SEMA6D: variants seen among roughly 807,000 people sequenced by gnomAD.
The protein encoded by SEMA6D is semaphorin 6D.
Under a neutral mutation model 106.6 loss-of-function variants are expected in SEMA6D, and 35 were observed. The ratio of observed to expected loss-of-function variants is 0.33; its 90% CI spans 0.25 to 0.44. The LOEUF is 0.44. Ranked by LOEUF, SEMA6D falls within the 20% of genes least tolerant of loss-of-function variation. The pLI is 1.00. For synonymous variants in SEMA6D, 499 were observed against 487.7 expected, an observed-to-expected ratio of 1.02 and a Z score of -0.31; for missense variants, 1,185 against 1,345.9, an observed-to-expected ratio of 0.88 and a Z score of 1.87.
Position 47,661,060 on chromosome 15 carries a change from G to T in SEMA6D, c.-55+60164G>T, listed in dbSNP as rs530505510. 9.1e-4 allele frequency among the ~76,000 whole-genome samples: 139 copies of T among 152,308 alleles called. 1 individual carries two copies. Among genetic ancestry groups the T allele is most frequent in the Middle Eastern group, 3.4e-3 (1 of 294 alleles). The stretch of plus-strand genomic sequence containing the variant: ...AAGAAAAGCAACTAAAGGAAAAGTG[G>T]ACCTTCTTTCCTGGTCAACTTTAGA... On this transcript the variant is annotated intron_variant, in intron 4 of 19. Transcript: ENST00000558014.
intron 1 of SEMA6D, among the ~76,000 whole-genome samples, chr15:47,342,960 G>T (rs1047520214): frequency 6.6e-6 from 1 of 152,048 alleles, no homozygotes; most frequent in East Asian, 1.9e-4. Context: ...TGATTTGCCC[G>T]CCTCAACTTC....
chr15:47,316,775 C>G (rs1250199518), intron 1 of SEMA6D, among the ~76,000 whole-genome samples: 2 of 151,922 alleles, frequency 1.3e-5, no homozygotes, highest in Non-Finnish European at 2.9e-5. Context: ...ATAAATCTCA[C>G]TTGGTTGTGG....
At position 47,328,422 on chromosome 15, in the gene SEMA6D, A is replaced by G. The variant is rs139945272; in HGVS notation, c.-238-83971A>G. ...AAATAATTATGCTGTTGGGCAGTTA[A>G]CTAGACATTACAGAAAAGACAAAGC... is the stretch of plus-strand genomic sequence containing the variant. On this transcript the variant is annotated intron_variant, in intron 1 of 19. Transcript: ENST00000558014. 6.5e-3 allele frequency among the ~76,000 whole-genome samples: 997 copies of G among 152,318 alleles called. 33 individuals carry two copies. Among genetic ancestry groups the G allele is most frequent in the Non-Finnish European group, 3.3e-3 (224 of 68,016 alleles).
In SEMA6D at chr15:47,293,300, T is replaced by G. The variant is rs568741988; in HGVS notation, c.-239+108882T>G. Among the ~76,000 whole-genome samples the G allele has an allele frequency of 3.9e-5, 6 of 152,320 alleles. No homozygotes were observed. The South Asian group carries it at 1.2e-3, about 32-fold the overall frequency. On this transcript the variant is annotated intron_variant, in intron 1 of 19. Transcript: ENST00000558014. ...TGCTCCAGTGTAGCTTTTCACTGTT[T>G]CCCTAGTTCTAAATCTTGACTGAGG...
chr15:47,647,404 T>C (rs2077600556), intron 4 of SEMA6D, among the ~76,000 whole-genome samples: 1 of 152,182 alleles, frequency 6.6e-6, no homozygotes, highest in South Asian at 2.1e-4. Context: ...TCATGGAAGG[T>C]CTTTATTCTT....
chr15:47,652,738 C>G (rs1273987207), intron 4 of SEMA6D, among the ~76,000 whole-genome samples: 1 of 152,166 alleles, frequency 6.6e-6, no homozygotes, highest in Non-Finnish European at 1.5e-5. Context: ...AAGGAAGGTT[C>G]AAGGACTGGC....
upstream of SEMA6D, among the ~76,000 whole-genome samples, chr15:47,715,091 A>G (rs2079086281): frequency 6.6e-6 from 1 of 152,218 alleles, no homozygotes; most frequent in South Asian, 2.1e-4. Flanking sequence ...TTTGACATTT[A>G]AACAAATTGT....
intron 2 of SEMA6D, among the ~76,000 whole-genome samples, chr15:47,421,092 G>A (rs1444872716): frequency 1.3e-5 from 2 of 152,058 alleles, no homozygotes; most frequent in Non-Finnish European, 2.9e-5. Flanking sequence ...ACATGATTTA[G>A]GTAAATGAAC....
rs544334841 is a variant in SEMA6D at position 47,381,675 on chromosome 15, G to C, written c.-238-30718G>C. ...CAGAGGAAAGATGAGTAAAATAACA[G>C]TTGTGACCCAACTCTAAAAGAAGAA... On this transcript the variant is annotated intron_variant, in intron 1 of 19. Coordinates refer to the SEMA6D transcript ENST00000558014. Among the ~76,000 whole-genome samples, 5 of 152,260 alleles carry C rather than the reference G, an allele frequency of 3.3e-5. No individual in the cohort carries two copies. The East Asian group carries it at 9.6e-4, about 29-fold the overall frequency.
At chr15:47,232,159 T>C (rs1463840773) in intron 1 of SEMA6D, among the ~76,000 whole-genome samples, 1 of 152,076 alleles carries the variant, frequency 6.6e-6, no homozygotes, top group Non-Finnish European at 1.5e-5. Flanking sequence ...TTGAAGGTTT[T>C]TCCATGTTGC....
intron 3 of SEMA6D, among the ~76,000 whole-genome samples, chr15:47,569,831 C>T (rs1160998426): frequency 2.6e-5 from 4 of 152,120 alleles, no homozygotes; most frequent in Admixed American, 6.5e-5. Context: ...GAGAACAAGG[C>T]GGGTGGATCA....
intron 8 of SEMA6D, among the ~76,000 whole-genome samples, chr15:47,762,632 G>T: frequency 6.6e-6 from 1 of 152,266 alleles, no homozygotes; most frequent in East Asian, 1.9e-4. Context: ...ACCCATCTTG[G>T]AAAGTTACCA....
At chr15:47,265,411 T>A (rs955665038) in intron 1 of SEMA6D, among the ~76,000 whole-genome samples, 1 of 151,850 alleles carries the variant, frequency 6.6e-6, no homozygotes, top group African/African-American at 2.4e-5. Flanking sequence ...TACTTTGCAA[T>A]TATAGAAGGC....
At chr15:47,292,424 A>T (rs142870998) in intron 1 of SEMA6D, among the ~76,000 whole-genome samples, 10 of 152,246 alleles carry the variant, frequency 6.6e-5, no homozygotes, top group Non-Finnish European at 1.0e-4. Flanking sequence ...GCAAAGTTTT[A>T]AAAAAAATCA....
chr15:47,318,024 CTT>C (rs71425594), intron 1 of SEMA6D, among the ~76,000 whole-genome samples: 5 of 116,916 alleles, frequency 4.3e-5, no homozygotes, highest in Admixed American at 2.7e-4. Flanking sequence ...TCCCACAGTT[CTT>C]TTTTTTTTTT....
chr15:47,495,349 A>C (rs2043618472), intron 3 of SEMA6D, among the ~76,000 whole-genome samples: 1 of 151,952 alleles, frequency 6.6e-6, no homozygotes, highest in East Asian at 1.9e-4. Context: ...CCTTATTGTA[A>C]ATCTAGACTC....
intron 3 of SEMA6D, chr15:47,581,328 A>G (rs2076250808): frequency 4.1e-6 from 2 of 490,512 alleles, no homozygotes; most frequent in South Asian, 1.5e-5. Context: ...TTAGGAACAC[A>G]TATGTCACCT....
At chr15:47,710,087 A>C (rs1451860993) in intron 4 of SEMA6D, among the ~76,000 whole-genome samples, 6 of 152,238 alleles carry the variant, frequency 3.9e-5, no homozygotes, top group Admixed American at 3.3e-4. Context: ...CCTAACCAAA[A>C]GATCTAAACA....
At chr15:47,662,426 C>G (rs1407841561) in intron 4 of SEMA6D, among the ~76,000 whole-genome samples, 2 of 152,156 alleles carry the variant, frequency 1.3e-5, no homozygotes, top group Non-Finnish European at 2.9e-5. Flanking sequence ...GTATGCTATT[C>G]CATAAGCATT....
Sources: allele counts gnomAD v4.1 joint callset (sites outside exome capture counted in the v4.1 genomes callset), GRCh38; gene constraint gnomAD v4.1.1; transcripts MANE v1.5; gene names NCBI Gene and HGNC (gene_info 2026-07-23, HGNC 2026-07-21).